CACNB2: variants seen among roughly 807,000 people sequenced by gnomAD.
CACNB2 encodes voltage-dependent L-type calcium channel subunit beta-2.
CACNB2 carries 42 observed loss-of-function variants against 73.3 expected under a neutral mutation model. That is an observed-to-expected ratio of 0.57 (90% CI 0.45 to 0.74). The LOEUF (loss-of-function observed/expected upper bound fraction) is 0.74. Ranked by LOEUF, CACNB2 falls within the 30% of genes least tolerant of loss-of-function variation. CACNB2 has a pLI of 0.00. For missense variants in CACNB2, 940 were observed against 853.0 expected (o/e 1.10, Z -1.27); for synonymous variants, 348 against 310.3 (o/e 1.12, Z -1.28).
At chr10:18,450,485 C>T (rs988128168) in intron 3 of CACNB2, among the ~76,000 whole-genome samples, 10 of 152,146 alleles carry the variant, frequency 6.6e-5, no homozygotes, top group African/African-American at 2.4e-4. Flanking sequence ...CAGTTGAAGG[C>T]AGAGAAGATG....
chr10:18,268,738 C>T (rs896808287), intron 2 of CACNB2, among the ~76,000 whole-genome samples: 1 of 152,028 alleles, frequency 6.6e-6, no homozygotes, highest in Middle Eastern at 3.2e-3. Flanking sequence ...GTGACAAATG[C>T]CTTAAAATTA....
chr10:18,369,984 C>G (rs192687267), intron 2 of CACNB2, among the ~76,000 whole-genome samples: 1 of 152,314 alleles, frequency 6.6e-6, no homozygotes, highest in East Asian at 1.9e-4. Context: ...TGATAAATGA[C>G]CTGCCAACCT....
At chr10:18,210,747 G>A (rs1277768) in intron 2 of CACNB2, among the ~76,000 whole-genome samples, 106,560 of 152,120 alleles carry the variant, frequency 0.7, 39,834 homozygotes, top group Non-Finnish European at 0.84. Context: ...CTCAAGGAAT[G>A]TTTCCTCTCA....
rs761097064 is a variant in CACNB2, at chr10:18,539,496, C to T, written c.1755C>T (p.His585=). The T allele has an allele frequency of 1.9e-6, 3 of 1,614,026 alleles. No individual in the cohort carries two copies. The highest frequency in any genetic ancestry group is 1.6e-4 in the Middle Eastern group (1 of 6,062). ...ACCACGTGGACCACTATGCCTCACA[C>T]CGTGACCACAACCACAGAGACGAGA... ...SHDHVDHYAS[H]RDHNHRDETH... The change falls in exon 14 of 14, where the codon CAC becomes CAT. Residue 585 remains histidine (H), a synonymous_variant. Coordinates refer to ENST00000324631, the MANE Select transcript of CACNB2 (RefSeq NM_201596.3).
intron 2 of CACNB2, among the ~76,000 whole-genome samples, chr10:18,362,698 C>G (rs555466690): frequency 6.6e-6 from 1 of 152,038 alleles, no homozygotes; most frequent in South Asian, 2.1e-4. Context: ...TCCAGCACTT[C>G]GGGAGGTCAG....
At chr10:18,316,458 T>TAC (rs1564430227) in intron 2 of CACNB2, among the ~76,000 whole-genome samples, 2 of 147,616 alleles carry the variant, frequency 1.4e-5, no homozygotes, top group African/African-American at 4.9e-5. Context: ...CTTTTTTTCT[T>TAC]CCCCCCTCTC....
At chr10:18,535,834 T>C (rs1450269386) in intron 11 of CACNB2, among the ~76,000 whole-genome samples, 4 of 152,108 alleles carry the variant, frequency 2.6e-5, no homozygotes, top group Non-Finnish European at 5.9e-5. Flanking sequence ...TAAATAAATG[T>C]TTTAATAGTT....
chr10:18,395,174 A>G (rs1257019568), intron 2 of CACNB2, among the ~76,000 whole-genome samples: 3 of 152,212 alleles, frequency 2.0e-5, no homozygotes, highest in Non-Finnish European at 4.4e-5. Flanking sequence ...TAATGTTAGC[A>G]TGTTAGATAC....
chr10:18,316,140 A>AATTTAC (rs199839857), intron 2 of CACNB2, among the ~76,000 whole-genome samples: 1,833 of 152,192 alleles, frequency 0.012, 73 homozygotes, highest in Admixed American at 0.074. Flanking sequence ...GTGTGTGTGT[A>AATTTAC]ATTTACATTT....
intron 2 of CACNB2, among the ~76,000 whole-genome samples, chr10:18,168,497 T>TTGTGTGTG (rs111401264): frequency 7.3e-4 from 110 of 149,938 alleles, no homozygotes; most frequent in African/African-American, 1.9e-3. Context: ...TCTTCCTTCT[T>TTGTGTGTG]TGTGTGTGTG....
intron 2 of CACNB2, among the ~76,000 whole-genome samples, chr10:18,328,291 G>T (rs2040664344): frequency 6.6e-6 from 1 of 152,218 alleles, no homozygotes; most frequent in African/African-American, 2.4e-5. Flanking sequence ...CAACCAAGTT[G>T]CATCCCAGAC....
chr10:18,352,032 G>A (rs2041728711), intron 2 of CACNB2, among the ~76,000 whole-genome samples: 1 of 152,208 alleles, frequency 6.6e-6, no homozygotes, highest in Non-Finnish European at 1.5e-5. Flanking sequence ...GCAGAGCTCT[G>A]ACAGATGATA....
At chr10:18,358,454 GAATACAGCAATGAATGAGGGA>G (rs554794480) in intron 2 of CACNB2, among the ~76,000 whole-genome samples, 111 of 145,678 alleles carry the variant, frequency 7.6e-4, no homozygotes, top group African/African-American at 2.8e-3. Context: ...TAGAACCTAG[GAATACAGCAATGAATGAGGGA>G]AATTCCTTTT....
rs1357911128 is a variant in CACNB2, at chr10:18,402,011, C to T, written c.301C>T (p.Arg101Trp). 6.2e-7 allele frequency: 1 copy of T among 1,614,052 alleles called. No individual in the cohort carries two copies. The highest frequency in any genetic ancestry group is 1.1e-5 in the South Asian group (1 of 91,084). Reference sequence around the variant, plus strand: ...GGAGGCAGTGCGCAGAGAAGCGGAGCGGCAGGCCCAGGCACAGTTGGAAAA... The same window carrying T: ...GGAGGCAGTGCGCAGAGAAGCGGAGTGGCAGGCCCAGGCACAGTTGGAAAA... ...DREAVRREAE[R>W]QAQAQLEKAK... Residue 101 changes from arginine to tryptophan, a missense_variant, in exon 3 of 14, where the codon CGG becomes TGG. Transcript: ENST00000324631.
In CACNB2 at chr10:18,456,626, G is replaced by A. The variant is rs116426848; in HGVS notation, c.334-41729G>A. Among the ~76,000 whole-genome samples, 1,121 of 152,164 alleles carry A rather than the reference G, an allele frequency of 7.4e-3. 22 individuals are homozygous for A. Among genetic ancestry groups the A allele is most frequent in the African/African-American group, 0.025 (1,045 of 41,510 alleles). ...TACAATTTGACATGAGATTTGGGTG[G>A]GGTCACAGATCCAAACTGTATCACT... On this transcript the variant is annotated intron_variant, in intron 3 of 13. Coordinates refer to ENST00000324631, the MANE Select transcript of CACNB2 (RefSeq NM_201596.3).
At chr10:18,392,558 G>A (rs1026109771) in intron 2 of CACNB2, among the ~76,000 whole-genome samples, 3 of 152,180 alleles carry the variant, frequency 2.0e-5, no homozygotes, top group Admixed American at 1.3e-4. Flanking sequence ...CTGCAAAGGA[G>A]AGGGGAAAAC....
intron 2 of CACNB2, chr10:18,341,037 G>T: frequency 6.6e-7 from 1 of 1,522,328 alleles, no homozygotes; most frequent in Non-Finnish European, 9.1e-7. Flanking sequence ...AAACAGGAAT[G>T]CATAGAACTG....
chr10:18,488,400 G>T (rs753670544), intron 3 of CACNB2, among the ~76,000 whole-genome samples: 2 of 144,958 alleles, frequency 1.4e-5, no homozygotes, highest in Non-Finnish European at 3.0e-5. Context: ...ACGTGAACCT[G>T]GAAGGCGGAG....
At chr10:18,452,673 G>A (rs2132619094) in intron 3 of CACNB2, among the ~76,000 whole-genome samples, 1 of 152,224 alleles carries the variant, frequency 6.6e-6, no homozygotes, top group South Asian at 2.1e-4. Context: ...GCCTCCTGAG[G>A]AGCCAGGACT....
Sources: gnomAD v4.1 joint callset for allele counts (sites outside exome capture counted in the v4.1 genomes callset) on GRCh38, gnomAD v4.1.1 for gene constraint, MANE v1.5 for transcripts, NCBI Gene and HGNC (gene_info 2026-07-23, HGNC 2026-07-21) for gene names.